Variants in CHRM3 observed in about 807,000 individuals in gnomAD.
The protein encoded by CHRM3 is muscarinic acetylcholine receptor M3.
In CHRM3, 11 loss-of-function variants were observed where a neutral mutation model predicts 41.8. That is an observed-to-expected ratio of 0.26 (90% CI 0.17 to 0.44). The LOEUF is 0.44. Among genes scored for constraint, CHRM3 ranks in the 20% least tolerant of loss-of-function variants. The probability of loss-of-function intolerance (pLI) is 1.00; values close to 1 mark genes in which losing one functional copy is unlikely to be tolerated. For synonymous variants in CHRM3, 297 were observed against 301.4 expected, an observed-to-expected ratio of 0.99 and a Z score of 0.15; for missense variants, 571 against 745.4, an observed-to-expected ratio of 0.77 and a Z score of 2.72.
At chr1:239,389,444 G>A (rs1484875415) in intron 1 of CHRM3, among the ~76,000 whole-genome samples, 1 of 152,116 alleles carries the variant, frequency 6.6e-6, no homozygotes, top group Non-Finnish European at 1.5e-5. Flanking sequence ...TCTTTAGAGT[G>A]TACCTTCTCA....
chr1:239,401,312 C>T (rs1659953682), intron 1 of CHRM3, among the ~76,000 whole-genome samples: 1 of 152,142 alleles, frequency 6.6e-6, no homozygotes, highest in South Asian at 2.1e-4. Flanking sequence ...ACTGCACGCT[C>T]AGATCTTCTT....
chr1:239,762,112 TG>T (rs1428333852), intron 5 of CHRM3, among the ~76,000 whole-genome samples: 1 of 152,144 alleles, frequency 6.6e-6, no homozygotes, highest in Non-Finnish European at 1.5e-5. Context: ...TATCCAGTTT[TG>T]TAGTTGAGGC....
chr1:239,732,174 G>T (rs1664021083), intron 5 of CHRM3, among the ~76,000 whole-genome samples: 2 of 151,890 alleles, frequency 1.3e-5, no homozygotes, highest in Non-Finnish European at 2.9e-5. Context: ...ATAACATTTA[G>T]ATAAGTATAC....
At chr1:239,680,849 G>A (rs1658492705) in intron 5 of CHRM3, among the ~76,000 whole-genome samples, 1 of 151,400 alleles carries the variant, frequency 6.6e-6, no homozygotes, top group South Asian at 2.1e-4. Context: ...TTTCTCCTAA[G>A]TGACCTTATA....
chr1:239,519,935 G>T (rs1283740442), intron 2 of CHRM3, among the ~76,000 whole-genome samples: 2 of 151,888 alleles, frequency 1.3e-5, no homozygotes, highest in African/African-American at 2.4e-5. Context: ...TTTTAGTAGA[G>T]ACGGGGTTTC....
intron 1 of CHRM3, among the ~76,000 whole-genome samples, chr1:239,418,533 A>G (rs1428703306): frequency 1.3e-5 from 2 of 152,236 alleles, no homozygotes; most frequent in Non-Finnish European, 2.9e-5. Context: ...TCTTAGAAGC[A>G]TTTTGTAATT....
At chr1:239,829,345 T>C (rs1193136711) in intron 6 of CHRM3, among the ~76,000 whole-genome samples, 1 of 152,114 alleles carries the variant, frequency 6.6e-6, no homozygotes, top group African/African-American at 2.4e-5. Flanking sequence ...ATTTTCCCAG[T>C]TGGTACAGCC....
chr1:239,892,999 A>G (rs10802815), intron 6 of CHRM3, among the ~76,000 whole-genome samples: 74,083 of 151,970 alleles, frequency 0.49, 18,612 homozygotes, highest in African/African-American at 0.62. Flanking sequence ...AAAATCTTGG[A>G]TCAGACGGCT....
intron 5 of CHRM3, among the ~76,000 whole-genome samples, chr1:239,701,184 C>G (rs146490624): frequency 1.9e-3 from 297 of 152,318 alleles, no homozygotes; most frequent in Admixed American, 7.8e-3. Flanking sequence ...AAGCATAGAA[C>G]TCTGCACATA....
chr1:239,894,821 T>C (rs1678859840), intron 6 of CHRM3, among the ~76,000 whole-genome samples: 1 of 151,920 alleles, frequency 6.6e-6, no homozygotes, highest in Non-Finnish European at 1.5e-5. Context: ...AACCATACAG[T>C]ATTACTAGTC....
intron 5 of CHRM3, among the ~76,000 whole-genome samples, chr1:239,679,027 G>GGATAGATAGATAGATAGATAGATA (rs61514483): frequency 4.9e-4 from 73 of 148,780 alleles, no homozygotes; most frequent in Admixed American, 6.1e-4. Flanking sequence ...GTAGATAGAT[G>GGATAGATAGATAGATAGATAGATA]GATAGATAGA....
At chr1:239,684,415 T>C (rs1289754233) in intron 5 of CHRM3, among the ~76,000 whole-genome samples, 1 of 152,028 alleles carries the variant, frequency 6.6e-6, no homozygotes, top group Non-Finnish European at 1.5e-5. Flanking sequence ...GTGTATGGGC[T>C]GGGCACAGTG....
At chr1:239,845,186 A>C (rs1174977093) in intron 6 of CHRM3, among the ~76,000 whole-genome samples, 7 of 152,196 alleles carry the variant, frequency 4.6e-5, no homozygotes, top group Non-Finnish European at 1.5e-5. Flanking sequence ...TAACAAGGAG[A>C]AACTAGAAAA....
At chr1:239,407,036 A>C (rs1385117223) in intron 1 of CHRM3, among the ~76,000 whole-genome samples, 1 of 152,230 alleles carries the variant, frequency 6.6e-6, no homozygotes, top group African/African-American at 2.4e-5. Context: ...AGATCCAGGC[A>C]AAACTAACCT....
chr1:239,582,008 T>C (rs1246358275), intron 3 of CHRM3, among the ~76,000 whole-genome samples: 3 of 152,216 alleles, frequency 2.0e-5, no homozygotes, highest in Admixed American at 2.0e-4. Flanking sequence ...ATATCCAACA[T>C]TTGCAGGATT....
At chr1:239,794,601 G>A (rs925404643) in intron 5 of CHRM3, among the ~76,000 whole-genome samples, 2 of 152,002 alleles carry the variant, frequency 1.3e-5, no homozygotes, top group Admixed American at 1.3e-4. Context: ...TAATCTCTCT[G>A]TGTTTTTATT....
chr1:239,650,386 G>T (rs1257527438), intron 4 of CHRM3, among the ~76,000 whole-genome samples: 1 of 152,136 alleles, frequency 6.6e-6, no homozygotes, highest in African/African-American at 2.4e-5. Flanking sequence ...GATACACTTT[G>T]TTAGACATGA....
At position 239,634,383 on chromosome 1, in the gene CHRM3, A is replaced by AAGAAAGAC. The variant is rs1553347951; in HGVS notation, c.-250+2104_-250+2105insCAGAAAGA. 5.6e-3 allele frequency among the ~76,000 whole-genome samples: 841 copies of AAGAAAGAC among 150,488 alleles called. 6 individuals carry two copies. The highest frequency in any genetic ancestry group is 0.019 in the African/African-American group (778 of 40,890). Reference sequence around the variant, plus strand: ...AGCAAAAGCAAGAACAAACGAAAGAAAGAAAGAAAGAAAGAAAGAAAGGAA... The same window carrying AAGAAAGAC: ...AGCAAAAGCAAGAACAAACGAAAGAAAGAAAGACAGAAAGAAAGAAAGAAAGAAAGGAA... On this transcript the variant is annotated intron_variant, in intron 4 of 6. Coordinates refer to ENST00000676153, the MANE Select transcript of CHRM3 (RefSeq NM_001375978.1).
At chr1:239,831,274 T>C (rs1351624213) in intron 6 of CHRM3, among the ~76,000 whole-genome samples, 1 of 152,086 alleles carries the variant, frequency 6.6e-6, no homozygotes, top group Non-Finnish European at 1.5e-5. Context: ...CTTAATTCCA[T>C]CTATAATCCT....
Sources: gnomAD v4.1 joint callset for allele counts (sites outside exome capture counted in the v4.1 genomes callset) on GRCh38, gnomAD v4.1.1 for gene constraint, MANE v1.5 for transcripts, NCBI Gene and HGNC (gene_info 2026-07-23, HGNC 2026-07-21) for gene names.